The following C3orf22 variants were observed in gnomAD, a reference collection of about 807,000 sequenced individuals.
C3orf22 encodes chromosome 3 open reading frame 22, also known as uncharacterized protein C3orf22.
C3orf22 carries 7 observed loss-of-function variants against 10.8 expected under a neutral mutation model. That is an observed-to-expected ratio of 0.65 (90% confidence interval 0.37 to 1.22). The LOEUF (loss-of-function observed/expected upper bound fraction) is 1.22. Among genes scored for constraint, C3orf22 ranks in the 50% most tolerant of loss-of-function variants. The pLI is 0.02. For synonymous variants in C3orf22, 79 were observed against 78.9 expected (o/e 1.00, Z 0.00); for missense variants, 173 against 177.0 (o/e 0.98, Z 0.13).
intron 4 of C3orf22, chr3:126,536,493 T>C: frequency 1.6e-6 from 1 of 630,786 alleles, no homozygotes; most frequent in Non-Finnish European, 2.8e-6. Flanking sequence ...CCAGGCTTTG[T>C]CAGAGAGCAG....
intron 4 of C3orf22, chr3:126,543,410 C>T (rs912599886): frequency 6.6e-6 from 1 of 152,298 alleles, no homozygotes; most frequent in Admixed American, 6.5e-5. Flanking sequence ...ATAAGAAGAT[C>T]AGATGAGAGT....
intron 1 of C3orf22, among the ~76,000 whole-genome samples, chr3:126,557,003 TACAC>T (rs1256064074): frequency 1.4e-4 from 6 of 44,060 alleles, no homozygotes; most frequent in African/African-American, 3.8e-4. Flanking sequence ...CATAGACACA[TACAC>T]ACAGACCCAC....
At chr3:126,538,465 C>A (rs949621985) in intron 4 of C3orf22, among the ~76,000 whole-genome samples, 1 of 152,214 alleles carries the variant, frequency 6.6e-6, no homozygotes, top group Non-Finnish European at 1.5e-5. Context: ...ACATTCCCCC[C>A]GAACCCCCGG....
At chr3:126,549,262 C>CA (rs202210566), downstream of C3orf22, among the ~76,000 whole-genome samples, 203 of 148,404 alleles carry the variant, frequency 1.4e-3, 2 homozygotes, top group African/African-American at 4.7e-3. Context: ...CCCCCCCCCC[C>CA]ACACACACAC....
chr3:126,542,728 G>A (rs1349441085), intron 4 of C3orf22: 1 of 1,227,344 alleles, frequency 8.1e-7, no homozygotes, highest in Non-Finnish European at 1.1e-6. Context: ...GGGCACACCT[G>A]GCCAGGCTTG....
chr3:126,552,167 C>A (rs758081011), intron 2 of C3orf22, 45 bp from the exon 3 acceptor site: 1 of 1,611,570 alleles, frequency 6.2e-7, no homozygotes, highest in Non-Finnish European at 8.5e-7. Context: ...ATCCACCAGC[C>A]TCCTGAAGTA....
intron 4 of C3orf22, chr3:126,542,365 G>T (rs1185038122): frequency 6.4e-7 from 1 of 1,561,490 alleles, no homozygotes; most frequent in Non-Finnish European, 8.7e-7. Context: ...AGACGCTGGC[G>T]GAGGACGCGG....
At chr3:126,541,799 C>T in intron 4 of C3orf22, 1 of 1,549,676 alleles carries the variant, frequency 6.5e-7, no homozygotes. Flanking sequence ...CGCCTGTAGC[C>T]GCCACTCACG....
chr3:126,536,103 AC>A (rs1936784295), intron 4 of C3orf22, among the ~76,000 whole-genome samples: 2 of 151,946 alleles, frequency 1.3e-5, no homozygotes, highest in South Asian at 4.2e-4. Context: ...CCCCATTAGT[AC>A]CCCCTGCCAT....
At chr3:126,546,195 C>T (rs576637358), downstream of C3orf22, among the ~76,000 whole-genome samples, 2 of 152,354 alleles carry the variant, frequency 1.3e-5, no homozygotes, top group East Asian at 3.9e-4. Context: ...GCCTCTTGGC[C>T]TGGGCACAAG....
chr3:126,557,155 TACAC>T (rs1313242649), intron 1 of C3orf22, among the ~76,000 whole-genome samples: 1 of 151,928 alleles, frequency 6.6e-6, no homozygotes, highest in African/African-American at 2.4e-5. Flanking sequence ...CCTGACCTCA[TACAC>T]ACCCCCACAC....
intron 2 of C3orf22, 133 bp from the exon 3 acceptor site, chr3:126,552,255 G>A: frequency 2.2e-6 from 3 of 1,394,472 alleles, no homozygotes; most frequent in Non-Finnish European, 2.9e-6. Context: ...TATGTCAGCT[G>A]ACAAGCATGC....
At chr3:126,552,197 T>C in intron 2 of C3orf22, 75 bp from the exon 3 acceptor site, 1 of 1,602,622 alleles carries the variant, frequency 6.2e-7, no homozygotes, top group South Asian at 1.1e-5. Context: ...CATCTGGAAC[T>C]TTCCATCTGC....
At chr3:126,551,871 T>C (rs2107581136) in intron 3 of C3orf22, 126 bp downstream of exon 3, 1 of 1,061,854 alleles carries the variant, frequency 9.4e-7, no homozygotes, top group Non-Finnish European at 1.3e-6. Context: ...TGCCTCAGTT[T>C]CCTCAGCTTT....
chr3:126,528,720 T>C (rs1936585537), intron 5 of C3orf22, among the ~76,000 whole-genome samples: 1 of 152,074 alleles, frequency 6.6e-6, no homozygotes, highest in South Asian at 2.1e-4. Context: ...GGGGTTCCAT[T>C]CTAGATGGCC....
chr3:126,546,411 T>G (rs1937068149), downstream of C3orf22, among the ~76,000 whole-genome samples: 1 of 152,194 alleles, frequency 6.6e-6, no homozygotes, highest in Non-Finnish European at 1.5e-5. Flanking sequence ...TCCCCAGTCT[T>G]ATGTGGAAGC....
chr3:126,533,652 T>A (rs1385636364), intron 4 of C3orf22, among the ~76,000 whole-genome samples: 1 of 152,218 alleles, frequency 6.6e-6, no homozygotes, highest in East Asian at 1.9e-4. Context: ...TTTGCACTTA[T>A]ATTCATAAGG....
At chr3:126,530,523 C>T (rs1385302922) in intron 4 of C3orf22, among the ~76,000 whole-genome samples, 1 of 152,254 alleles carries the variant, frequency 6.6e-6, no homozygotes, top group African/African-American at 2.4e-5. Flanking sequence ...CAGTCCCCAG[C>T]CACAGTTCCC....
intron 1 of C3orf22, among the ~76,000 whole-genome samples, chr3:126,557,905 C>T (rs969543149): frequency 1.3e-5 from 2 of 152,238 alleles, no homozygotes. Context: ...GCCCCTGCAG[C>T]CCTGGCTGTT....
Sources: allele counts gnomAD v4.1 joint callset (sites outside exome capture counted in the v4.1 genomes callset), GRCh38; gene constraint gnomAD v4.1.1; transcripts MANE v1.5; gene names NCBI Gene and HGNC (gene_info 2026-07-23, HGNC 2026-07-21).